Variants in CDH10 observed in about 807,000 individuals in gnomAD.
The protein encoded by CDH10 is cadherin-10.
CDH10 carries 30 observed loss-of-function variants against 73.1 expected under a neutral mutation model. The ratio of observed to expected loss-of-function variants is 0.41; its 90% CI spans 0.31 to 0.56. CDH10 has a LOEUF of 0.56. Ranked by LOEUF, CDH10 falls within the 20% of genes least tolerant of loss-of-function variation. CDH10 has a pLI of 0.27. For missense variants in CDH10, 815 were observed against 973.7 expected (o/e 0.84, Z 2.17); for synonymous variants, 345 against 348.2 (o/e 0.99, Z 0.10).
intron 1 of CDH10, among the ~76,000 whole-genome samples, chr5:24,609,513 C>A (rs961387497): frequency 8.5e-5 from 13 of 152,182 alleles, no homozygotes; most frequent in Admixed American, 5.2e-4. Context: ...GGACAACAGA[C>A]TTCAGCAGGA....
intron 1 of CDH10, among the ~76,000 whole-genome samples, chr5:24,642,880 C>T (rs1748099731): frequency 6.6e-6 from 1 of 151,114 alleles, no homozygotes; most frequent in African/African-American, 2.4e-5. Flanking sequence ...CGTATGCATT[C>T]ACCAGAGAAG....
In CDH10 at chr5:24,548,133, CT is replaced by C. The variant is rs895009399; in HGVS notation, c.232-10460del. ...GGAACCTCAGCAGGGTTTCTTTTCTCTTTTTTTTTTCTGAGACTGAAGCTTG... is the reference window on the plus strand; with the variant it reads ...GGAACCTCAGCAGGGTTTCTTTTCTCTTTTTTTTTCTGAGACTGAAGCTTG... On this transcript the variant is annotated intron_variant, in intron 2 of 11. Coordinates refer to ENST00000264463, the MANE Select transcript of CDH10 (RefSeq NM_006727.5). Among the ~76,000 whole-genome samples, 79 of 149,186 alleles carry C rather than the reference CT, an allele frequency of 5.3e-4. No individual in the cohort carries two copies. In the East Asian group the frequency reaches 0.013, roughly 25 times the overall value.
chr5:24,554,610 C>A lies in CDH10; in HGVS notation c.232-16936G>T, dbSNP rs529546846. On this transcript the variant is annotated intron_variant, in intron 2 of 11. Transcript: ENST00000264463. The stretch of plus-strand genomic sequence containing the variant: ...TATCCTATGATCCTAATATTTTTTT[C>A]TCAGAAAATTTTAGAAACTCTGTCC... Among the ~76,000 whole-genome samples, 8 of 151,912 alleles carry A rather than the reference C, an allele frequency of 5.3e-5. No homozygotes were observed. In the South Asian group the frequency reaches 1.7e-3, roughly 32 times the overall value.
At chr5:24,586,175 G>C (rs1171570806) in intron 2 of CDH10, among the ~76,000 whole-genome samples, 1 of 152,060 alleles carries the variant, frequency 6.6e-6, no homozygotes, top group Admixed American at 6.5e-5. Flanking sequence ...TCTTGGGCTA[G>C]GATTTAACAT....
At chr5:24,535,675 G>T in intron 4 of CDH10, 28 bp downstream of exon 4, 1 of 1,591,806 alleles carries the variant, frequency 6.3e-7, no homozygotes. Context: ...ATGATCAAAT[G>T]AACAAACAGC....
chr5:24,622,326 C>T (rs183783145), intron 1 of CDH10, among the ~76,000 whole-genome samples: 207 of 152,144 alleles, frequency 1.4e-3, no homozygotes, highest in African/African-American at 3.7e-3. Flanking sequence ...AAGAATATAT[C>T]TGATCGCAAT....
intron 8 of CDH10, among the ~76,000 whole-genome samples, chr5:24,504,715 G>A (rs1007610758): frequency 2.0e-5 from 3 of 151,386 alleles, no homozygotes; most frequent in Non-Finnish European, 4.4e-5. Context: ...TAGTAGAGAC[G>A]GGGTTTCACT....
At chr5:24,591,110 T>C (rs1746185008) in intron 2 of CDH10, among the ~76,000 whole-genome samples, 1 of 152,104 alleles carries the variant, frequency 6.6e-6, no homozygotes. Context: ...TATTAAAATA[T>C]CATATGTTAA....
At chr5:24,492,324 G>C (rs1742087092) in intron 10 of CDH10, among the ~76,000 whole-genome samples, 1 of 152,202 alleles carries the variant, frequency 6.6e-6, no homozygotes, top group Admixed American at 6.5e-5. Context: ...GTAGAAGAAG[G>C]TTTTTTAACC....
intron 2 of CDH10, among the ~76,000 whole-genome samples, chr5:24,540,575 A>C (rs1176179858): frequency 6.6e-6 from 1 of 151,968 alleles, no homozygotes; most frequent in Non-Finnish European, 1.5e-5. Context: ...TTGCAAGTAG[A>C]CTGTGGTTTT....
chr5:24,507,880 C>A (rs1020042794), intron 7 of CDH10, among the ~76,000 whole-genome samples: 6 of 152,008 alleles, frequency 3.9e-5, no homozygotes, highest in African/African-American at 1.2e-4. Flanking sequence ...CAATATGTAA[C>A]CTGTGATGCT....
intron 2 of CDH10, among the ~76,000 whole-genome samples, chr5:24,580,659 C>T (rs912651314): frequency 1.3e-5 from 2 of 152,134 alleles, no homozygotes; most frequent in Non-Finnish European, 2.9e-5. Flanking sequence ...ATATAAGACC[C>T]TACATATTAG....
chr5:24,547,944 A>G (rs959380403), intron 2 of CDH10, among the ~76,000 whole-genome samples: 1 of 152,182 alleles, frequency 6.6e-6, no homozygotes, highest in Non-Finnish European at 1.5e-5. Flanking sequence ...ACTTCTGTCA[A>G]TTGTTGAAGA....
intron 1 of CDH10, among the ~76,000 whole-genome samples, chr5:24,605,481 C>G (rs1374493849): frequency 2.6e-5 from 4 of 152,224 alleles, no homozygotes; most frequent in Admixed American, 1.3e-4. Flanking sequence ...TGAGGTGGAA[C>G]AGTCATCCTG....
At chr5:24,553,158 C>T (rs1228192287) in intron 2 of CDH10, among the ~76,000 whole-genome samples, 1 of 152,102 alleles carries the variant, frequency 6.6e-6, no homozygotes, top group Non-Finnish European at 1.5e-5. Flanking sequence ...ATATTGCTAT[C>T]AAGAAATATG....
chr5:24,542,976 A>G lies in CDH10; in HGVS notation c.232-5302T>C, dbSNP rs571787905. The stretch of plus-strand genomic sequence containing the variant: ...TGGTGAGGCCACAAATATTCACACC[A>G]TAGCAAATCTTTAACTCTTAATATC... On this transcript the variant is annotated intron_variant, in intron 2 of 11. Coordinates refer to ENST00000264463, the MANE Select transcript of CDH10 (RefSeq NM_006727.5). Among the ~76,000 whole-genome samples, 333 of 152,298 alleles carry G rather than the reference A, an allele frequency of 2.2e-3. 1 individual carries two copies. The highest frequency in any genetic ancestry group is 3.6e-3 in the Non-Finnish European group (243 of 68,024).
chr5:24,554,116 G>GAGAGAGAGAGAGAGA (rs1561159236), intron 2 of CDH10: 23 of 26,318 alleles, frequency 8.7e-4, no homozygotes, highest in Non-Finnish European at 1.2e-3. Flanking sequence ...GTGGGCGGGG[G>GAGAGAGAGAGAGAGA]GGGGAGAGAG....
intron 2 of CDH10, among the ~76,000 whole-genome samples, chr5:24,573,100 GAT>G (rs1484566506): frequency 2.0e-5 from 3 of 151,582 alleles, no homozygotes; most frequent in Non-Finnish European, 2.9e-5. Flanking sequence ...TCCAAATATT[GAT>G]ATGAGTTCAT....
rs115217341 is a variant in CDH10, at chr5:24,489,988, C to T, written c.1876+1588G>A. Among the ~76,000 whole-genome samples the T allele has an allele frequency of 8.7e-3, 1,316 of 152,092 alleles. 18 individuals are homozygous for T. The highest frequency in any genetic ancestry group is 0.03 in the African/African-American group (1,244 of 41,506). The stretch of plus-strand genomic sequence containing the variant: ...TATGTTCTGAATATTTTGAATTTTC[C>T]GTTTCATTATGCATAAAATGAAAAT... On this transcript the variant is annotated intron_variant, in intron 11 of 11. Coordinates refer to ENST00000264463, the MANE Select transcript of CDH10 (RefSeq NM_006727.5).
Sources: gnomAD v4.1 joint callset for allele counts (sites outside exome capture counted in the v4.1 genomes callset) on GRCh38, gnomAD v4.1.1 for gene constraint, MANE v1.5 for transcripts, NCBI Gene and HGNC (gene_info 2026-07-23, HGNC 2026-07-21) for gene names.